Variants in GNAO1 observed in about 807,000 individuals in gnomAD.
The protein encoded by GNAO1 is G protein subunit alpha o1, also known as guanine nucleotide-binding protein G(o) subunit alpha.
For missense variants in GNAO1, 166 were observed against 478.7 expected, an observed-to-expected ratio of 0.35 and a Z score of 6.10; for synonymous variants, 164 against 180.7, an observed-to-expected ratio of 0.91 and a Z score of 0.74.
intron 2 of GNAO1, among the ~76,000 whole-genome samples, chr16:56,231,249 C>G (rs1001748205): frequency 3.3e-5 from 5 of 152,192 alleles, no homozygotes; most frequent in Non-Finnish European, 7.3e-5. Context: ...CCTCTGAAAT[C>G]CACCGTGGGG....
In GNAO1 at chr16:56,322,344, G is replaced by A. The variant is rs568316595; in HGVS notation, c.304-6287G>A. ...GACCAGCAAGAAACAGCAGTGTGAT[G>A]GGGCCGTAGCAGAAAGAATGGTGCT... On this transcript the variant is annotated intron_variant, in intron 3 of 8. Coordinates refer to ENST00000262493, the MANE Select transcript of GNAO1 (RefSeq NM_020988.3). Among the ~76,000 whole-genome samples, 13 of 152,286 alleles carry A rather than the reference G, an allele frequency of 8.5e-5. No homozygotes were observed. The South Asian group carries it at 1.2e-3, about 15-fold the overall frequency.
intron 3 of GNAO1, among the ~76,000 whole-genome samples, chr16:56,286,127 A>G (rs1236472025): frequency 1.3e-5 from 2 of 152,188 alleles, no homozygotes; most frequent in Non-Finnish European, 2.9e-5. Flanking sequence ...TGGGGGTCAC[A>G]GTCCCACACA....
chr16:56,217,073 A>G (rs76759234), intron 2 of GNAO1, among the ~76,000 whole-genome samples: 3,304 of 152,326 alleles, frequency 0.022, 108 homozygotes, highest in African/African-American at 0.066. Flanking sequence ...ACAAAAACTG[A>G]ACAGATCTCA....
At chr16:56,283,378 C>A (rs1165812662) in intron 3 of GNAO1, among the ~76,000 whole-genome samples, 1 of 152,182 alleles carries the variant, frequency 6.6e-6, no homozygotes, top group African/African-American at 2.4e-5. Flanking sequence ...CCACCAGGGG[C>A]CTTCACTGGA....
At position 56,256,696 on chromosome 16, in the gene GNAO1, C is replaced by T. The variant is rs985277109; in HGVS notation, c.162-19235C>T. ...AGTCTCTTTCTCTCTGTCTCTCTCT[C>T]TCTCTCTCTCTCTCTCTCTCTCTGT... On this transcript the variant is annotated intron_variant, in intron 2 of 8. Coordinates refer to ENST00000262493, the MANE Select transcript of GNAO1 (RefSeq NM_020988.3). Among the ~76,000 whole-genome samples the T allele has an allele frequency of 1.3e-4, 14 of 107,412 alleles. No individual in the cohort carries two copies. The East Asian group carries it at 1.4e-3, about 11-fold the overall frequency. The allele number at this position is 107,412 out of a possible 152,430, so 70.5% of individuals were successfully genotyped here.
intron 2 of GNAO1, among the ~76,000 whole-genome samples, chr16:56,224,749 G>A (rs193027423): frequency 2.6e-5 from 4 of 152,340 alleles, no homozygotes; most frequent in African/African-American, 4.8e-5. Context: ...TTACAGGCAC[G>A]AGCCACCGTG....
At chr16:56,249,673 G>A (rs2036781823) in intron 2 of GNAO1, among the ~76,000 whole-genome samples, 3 of 152,176 alleles carry the variant, frequency 2.0e-5, no homozygotes, top group African/African-American at 4.8e-5. Flanking sequence ...GCAGGCCCAC[G>A]GTTGCCCAAT....
intron 2 of GNAO1, among the ~76,000 whole-genome samples, chr16:56,259,358 GCC>G (rs2036882113): frequency 6.6e-6 from 1 of 152,208 alleles, no homozygotes; most frequent in Non-Finnish European, 1.5e-5. Flanking sequence ...ATTCTTGGGA[GCC>G]CTATTTGTGC....
chr16:56,256,010 T>C (rs2036842770), intron 2 of GNAO1, among the ~76,000 whole-genome samples: 1 of 152,180 alleles, frequency 6.6e-6, no homozygotes, highest in African/African-American at 2.4e-5. Context: ...TTTTCATTTG[T>C]CTCTTGGAGC....
intron 2 of GNAO1, among the ~76,000 whole-genome samples, chr16:56,249,636 A>AC (rs1262449086): frequency 6.6e-6 from 1 of 152,184 alleles, no homozygotes; most frequent in African/African-American, 2.4e-5. Context: ...AATTATGAAC[A>AC]CATATATCAA....
intron 3 of GNAO1, among the ~76,000 whole-genome samples, chr16:56,296,090 T>C (rs1193292555): frequency 6.6e-6 from 1 of 152,250 alleles, no homozygotes; most frequent in East Asian, 1.9e-4. Flanking sequence ...CAATTACTGA[T>C]TTCCTGAGCT....
At chr16:56,342,934 G>A (rs532431734) in intron 6 of GNAO1, among the ~76,000 whole-genome samples, 5 of 152,156 alleles carry the variant, frequency 3.3e-5, no homozygotes, top group African/African-American at 7.2e-5. Context: ...CCAACATGGC[G>A]AAAACCCATC....
intron 2 of GNAO1, among the ~76,000 whole-genome samples, chr16:56,227,550 C>T (rs1256922259): frequency 6.6e-6 from 1 of 152,102 alleles, no homozygotes; most frequent in East Asian, 1.9e-4. Flanking sequence ...TGGCCAGGCA[C>T]AGTGGCTCAT....
intron 2 of GNAO1, among the ~76,000 whole-genome samples, chr16:56,231,548 G>A (rs184761807): frequency 3.3e-5 from 5 of 152,256 alleles, no homozygotes; most frequent in Admixed American, 2.6e-4. Context: ...CTGTGAGCGG[G>A]GATTAGAGAG....
In GNAO1 at chr16:56,192,018, C is replaced by T. The variant is rs1474679319; in HGVS notation, c.-218C>T. 5 of 585,488 alleles carry T rather than the reference C, an allele frequency of 8.5e-6. No individual in the cohort carries two copies. Among genetic ancestry groups the T allele is most frequent in the Non-Finnish European group, 1.5e-5 (5 of 328,580 alleles). The allele number at this position is 585,488 out of a possible 1,614,324, so 36.3% of individuals were successfully genotyped here. A position where few individuals can be genotyped will look rare whatever the true frequency, so the allele number is the denominator to read the frequency against. ...ACCCTCGATTCGACAACCCCAGACC[C>T]CTGCCAGCTGCCGCGAGTCTCCGCT... On this transcript the variant is annotated 5_prime_UTR_variant, in exon 1 of 9. Transcript: ENST00000262493.
intron 2 of GNAO1, among the ~76,000 whole-genome samples, chr16:56,264,128 A>AT (rs1466077450): frequency 7.0e-4 from 106 of 152,366 alleles, no homozygotes; most frequent in African/African-American, 2.3e-3. Context: ...GCCAGGGCCG[A>AT]TGATGCAGGC....
chr16:56,256,815 C>T (rs2036855004), intron 2 of GNAO1, among the ~76,000 whole-genome samples: 1 of 151,776 alleles, frequency 6.6e-6, no homozygotes, highest in African/African-American at 2.4e-5. Context: ...GCCACTAACA[C>T]TCCCCATTAC....
chr16:56,258,609 A>G (rs2036874553), intron 2 of GNAO1, among the ~76,000 whole-genome samples: 1 of 152,224 alleles, frequency 6.6e-6, no homozygotes, highest in Non-Finnish European at 1.5e-5. Context: ...GGAACTTGCC[A>G]TTCAGGAAGA....
At chr16:56,192,670 C>T (rs2036188880) in intron 2 of GNAO1, 54 bp downstream of exon 2, 1 of 1,118,562 alleles carries the variant, frequency 8.9e-7, no homozygotes, top group Non-Finnish European at 1.4e-6. Context: ...ATTTTTAAAT[C>T]GTTTTTATTA....
Sources: gnomAD v4.1 joint callset for allele counts (sites outside exome capture counted in the v4.1 genomes callset) on GRCh38, gnomAD v4.1.1 for gene constraint, MANE v1.5 for transcripts, NCBI Gene and HGNC (gene_info 2026-07-23, HGNC 2026-07-21) for gene names.